The following VAV1 variants were observed in gnomAD, a reference collection of about 807,000 sequenced individuals.
VAV1 encodes the protein proto-oncogene vav.
A neutral mutation model predicts 128.1 loss-of-function variants in VAV1; 33 were observed. That is an observed-to-expected ratio of 0.26 (90% CI 0.20 to 0.34). The LOEUF (loss-of-function observed/expected upper bound fraction) is 0.34, where lower values mean the gene tolerates loss of function less well. Among genes scored for constraint, VAV1 ranks in the 10% least tolerant of loss-of-function variants. The pLI is 1.00. For synonymous variants in VAV1, 394 were observed against 409.8 expected, an observed-to-expected ratio of 0.96 and a Z score of 0.47; for missense variants, 715 against 1,093.7, an observed-to-expected ratio of 0.65 and a Z score of 4.88.
intron 1 of VAV1, among the ~76,000 whole-genome samples, chr19:6,792,623 G>A (rs2617807): frequency 0.22 from 33,394 of 151,770 alleles, 3,894 homozygotes; most frequent in African/African-American, 0.3. Flanking sequence ...TGTTGCCCAG[G>A]CTGCTCTTGA....
At chr19:6,825,433 C>A (rs1341065553) in intron 8 of VAV1, 27 bp downstream of exon 8, 3 of 1,586,596 alleles carry the variant, frequency 1.9e-6, no homozygotes, top group Non-Finnish European at 2.6e-6. Context: ...CAGACTGAAG[C>A]TCTGGGGTCA....
At chr19:6,788,488 T>C (rs1970944874) in intron 1 of VAV1, among the ~76,000 whole-genome samples, 1 of 138,044 alleles carries the variant, frequency 7.2e-6, no homozygotes, top group Non-Finnish European at 1.5e-5. Context: ...TTCTTGTGCC[T>C]CAGCCTCCCT....
chr19:6,814,667 C>CTTTCTTT (rs1568299138), intron 1 of VAV1, among the ~76,000 whole-genome samples: 524 of 24,778 alleles, frequency 0.021, 7 homozygotes, highest in South Asian at 0.032. Context: ...TTCCTTCCTT[C>CTTTCTTT]CTTCCTTTCT....
rs1010149707 is a variant in VAV1, at chr19:6,780,160, C to T, written c.204+7149C>T. Among the ~76,000 whole-genome samples the T allele has an allele frequency of 1.1e-4, 14 of 127,634 alleles. 1 individual carries two copies. The highest frequency in any genetic ancestry group is 2.1e-4 in the Non-Finnish European group (12 of 57,278). The allele number at this position is 127,634 out of a possible 152,430, so 83.7% of individuals were successfully genotyped here. On this transcript the variant is annotated intron_variant, in intron 1 of 26. Transcript: ENST00000602142. ...ATAATAATAATAATAATAATAATAA[C>T]CTCATCCATGAATCATTTTCCAGCT...
At chr19:6,795,749 T>A (rs1433542775) in intron 1 of VAV1, among the ~76,000 whole-genome samples, 3 of 152,174 alleles carry the variant, frequency 2.0e-5, no homozygotes, top group Non-Finnish European at 4.4e-5. Flanking sequence ...AGTGGTGCGA[T>A]CTCAGCTCAC....
At chr19:6,825,675 A>T (rs906418863) in intron 8 of VAV1, among the ~76,000 whole-genome samples, 2 of 152,164 alleles carry the variant, frequency 1.3e-5, no homozygotes, top group Non-Finnish European at 2.9e-5. Flanking sequence ...AGGGTTGACT[A>T]TACGGATGCA....
chr19:6,850,779 A>G (rs776253761), intron 24 of VAV1, 22 bp downstream of exon 24: 30 of 1,612,730 alleles, frequency 1.9e-5, no homozygotes, highest in African/African-American at 6.7e-5. Context: ...TGTCCGCTCA[A>G]TCCCAGCTTT....
rs1971253721 is a variant in VAV1 at position 6,800,915 on chromosome 19, C to T, written c.205-19787C>T. Among the ~76,000 whole-genome samples the T allele has an allele frequency of 2.6e-5, 4 of 152,184 alleles. No homozygotes were observed. In the South Asian group the frequency reaches 8.3e-4, roughly 32 times the overall value. Reference sequence around the variant, plus strand: ...GTGCTGGGATTACAGGCGTGAGCCACCGCACCCAGCCGCTCACCATCTCTT... The same window carrying T: ...GTGCTGGGATTACAGGCGTGAGCCATCGCACCCAGCCGCTCACCATCTCTT... On this transcript the variant is annotated intron_variant, in intron 1 of 26. Transcript: ENST00000602142.
intron 7 of VAV1, 45 bp from the exon 8 acceptor site, chr19:6,825,258 G>T: frequency 6.3e-7 from 1 of 1,591,070 alleles, no homozygotes. Flanking sequence ...CTGGCCCCCT[G>T]AGCCCTGGGC....
At chr19:6,853,823 C>G in intron 25 of VAV1, 124 bp from the exon 26 acceptor site, 2 of 1,246,874 alleles carry the variant, frequency 1.6e-6, no homozygotes, top group Admixed American at 4.3e-5. Context: ...GCATCTAATA[C>G]TCTGCAGAAA....
At chr19:6,849,593 G>A (rs1237540818) in intron 23 of VAV1, among the ~76,000 whole-genome samples, 2 of 152,002 alleles carry the variant, frequency 1.3e-5, no homozygotes, top group South Asian at 2.1e-4. Flanking sequence ...GATTACAGGC[G>A]TGAGCCACTG....
intron 22 of VAV1, among the ~76,000 whole-genome samples, chr19:6,845,424 A>C (rs961718313): frequency 1.3e-5 from 2 of 151,986 alleles, no homozygotes; most frequent in East Asian, 3.8e-4. Context: ...ATAAATAAAA[A>C]TGAGGTGAAA....
At chr19:6,784,497 T>C (rs2144700781) in intron 1 of VAV1, among the ~76,000 whole-genome samples, 1 of 98,730 alleles carries the variant, frequency 1.0e-5, no homozygotes, top group Non-Finnish European at 2.3e-5. Flanking sequence ...CTGTTCCTTT[T>C]TTTTTTTTTT....
intron 1 of VAV1, chr19:6,784,254 C>T: frequency 1.5e-6 from 1 of 645,832 alleles, no homozygotes; most frequent in Non-Finnish European, 2.8e-6. Context: ...AAGACCCTGT[C>T]TCTAAATATA....
At chr19:6,812,337 G>A (rs1971531436) in intron 1 of VAV1, among the ~76,000 whole-genome samples, 1 of 152,126 alleles carries the variant, frequency 6.6e-6, no homozygotes, top group Non-Finnish European at 1.5e-5. Flanking sequence ...ATTGGAAGCT[G>A]ATTAATATCT....
At position 6,801,997 on chromosome 19, in the gene VAV1, AG is replaced by A. The variant is rs1415398063; in HGVS notation, c.205-18699del. ...CCTGGAGGAAGGAAGAGGGGCACTG[AG>A]GGGGGTTGCCCCCAGCAGGGAGGAA... On this transcript the variant is annotated intron_variant, in intron 1 of 26. Transcript: ENST00000602142. 7.4e-5 allele frequency among the ~76,000 whole-genome samples: 11 copies of A among 149,108 alleles called. No homozygotes were observed. The South Asian group carries it at 2.2e-3, about 29-fold the overall frequency.
intron 9 of VAV1, among the ~76,000 whole-genome samples, chr19:6,827,255 G>A (rs1300827135): frequency 1.3e-5 from 2 of 151,866 alleles, no homozygotes; most frequent in African/African-American, 4.8e-5. Flanking sequence ...GGGTTTGTTT[G>A]TTTGTTTGTT....
intron 1 of VAV1, among the ~76,000 whole-genome samples, chr19:6,816,266 C>T (rs1176843745): frequency 1.3e-5 from 2 of 152,056 alleles, no homozygotes; most frequent in African/African-American, 4.8e-5. Context: ...ATGATCTGCC[C>T]TCCTCGGCTT....
At chr19:6,789,027 C>CATA (rs1320045128) in intron 1 of VAV1, among the ~76,000 whole-genome samples, 9 of 152,216 alleles carry the variant, frequency 5.9e-5, no homozygotes, top group Non-Finnish European at 1.2e-4. Flanking sequence ...GGACTCTATC[C>CATA]ATTTCACACA....
Sources: gnomAD v4.1 joint callset for allele counts (sites outside exome capture counted in the v4.1 genomes callset) on GRCh38, gnomAD v4.1.1 for gene constraint, MANE v1.5 for transcripts, NCBI Gene and HGNC (gene_info 2026-07-23, HGNC 2026-07-21) for gene names.